EXOC4: variants seen among roughly 807,000 people sequenced by gnomAD.
EXOC4 encodes SEC8-like 1.
Under a neutral mutation model 107.2 loss-of-function variants are expected in EXOC4, and 71 were observed. The observed-to-expected ratio is 0.66, with a 90% CI of 0.55 to 0.81. The LOEUF (loss-of-function observed/expected upper bound fraction) is 0.81. Among genes scored for constraint, EXOC4 ranks in the 30% least tolerant of loss-of-function variants. The pLI, the probability that EXOC4 is intolerant of heterozygous loss-of-function variation, is 0.00. For missense variants in EXOC4, 1,108 were observed against 1,189.6 expected, an observed-to-expected ratio of 0.93 and a Z score of 1.01; for synonymous variants, 456 against 441.2, an observed-to-expected ratio of 1.03 and a Z score of -0.42.
At chr7:133,888,349 C>T (rs1799132306) in intron 11 of EXOC4, among the ~76,000 whole-genome samples, 1 of 152,112 alleles carries the variant, frequency 6.6e-6, no homozygotes, top group African/African-American at 2.4e-5. Flanking sequence ...TTTAAGCATA[C>T]TTTTATGGCT....
chr7:134,041,911 T>TA (rs987244894), intron 17 of EXOC4, among the ~76,000 whole-genome samples: 2 of 152,192 alleles, frequency 1.3e-5, no homozygotes, highest in African/African-American at 4.8e-5. Context: ...TTAAAGGCTT[T>TA]AAAAATCCTC....
chr7:133,903,093 G>A (rs897803966), intron 12 of EXOC4, among the ~76,000 whole-genome samples: 2 of 152,124 alleles, frequency 1.3e-5, no homozygotes, highest in African/African-American at 4.8e-5. Flanking sequence ...GAGGCAGGAC[G>A]CTCCGGGACA....
At chr7:134,051,714 A>G (rs949954330) in intron 17 of EXOC4, among the ~76,000 whole-genome samples, 4 of 137,830 alleles carry the variant, frequency 2.9e-5, no homozygotes, top group Admixed American at 2.3e-4. Context: ...GGGCCGATGC[A>G]GAGGCTCACG....
At chr7:133,403,576 C>G (rs1439128991) in intron 7 of EXOC4, among the ~76,000 whole-genome samples, 1 of 152,172 alleles carries the variant, frequency 6.6e-6, no homozygotes, top group Non-Finnish European at 1.5e-5. Flanking sequence ...GGTGCTAAGG[C>G]AGCTGTATTC....
In EXOC4 at chr7:133,374,937, C is replaced by G; in HGVS notation, c.1117C>G (p.Gln373Glu). The G allele has an allele frequency of 6.2e-7, 1 of 1,614,074 alleles. No individual in the cohort carries two copies. The highest frequency in any genetic ancestry group is 8.5e-7 in the Non-Finnish European group (1 of 1,179,976). ...LQDTVVTPLT[Q>E]QEDIKLYDMA... is the part of the protein sequence containing the mutation. Reference sequence around the variant, plus strand: ...GGACACTGTAGTGACTCCACTGACTCAGCAGGAAGATATCAAACTGTATGA... The same window carrying G: ...GGACACTGTAGTGACTCCACTGACTGAGCAGGAAGATATCAAACTGTATGA... The change falls in exon 7 of 18, where the codon CAG becomes GAG. Residue 373 changes from glutamine to glutamate, a missense_variant. By Grantham distance (29) the Gln-to-Glu change is conservative. Coordinates refer to ENST00000253861, the MANE Select transcript of EXOC4 (RefSeq NM_021807.4).
intron 9 of EXOC4, among the ~76,000 whole-genome samples, chr7:133,503,774 A>G (rs1430595489): frequency 6.6e-6 from 1 of 152,156 alleles, no homozygotes; most frequent in East Asian, 1.9e-4. Flanking sequence ...AAGGGAGCCT[A>G]AGCGTATGAA....
At chr7:133,877,084 T>A (rs1261029354) in intron 11 of EXOC4, among the ~76,000 whole-genome samples, 1 of 152,000 alleles carries the variant, frequency 6.6e-6, no homozygotes, top group African/African-American at 2.4e-5. Flanking sequence ...CTGACTCTCC[T>A]ATTTTTTTTT....
At chr7:133,855,569 C>A (rs1043582783) in intron 11 of EXOC4, among the ~76,000 whole-genome samples, 2 of 152,066 alleles carry the variant, frequency 1.3e-5, no homozygotes, top group Admixed American at 6.6e-5. Context: ...TTTCTCCACC[C>A]TAAGTGCCTG....
chr7:134,039,605 G>A (rs1456044148), intron 17 of EXOC4, among the ~76,000 whole-genome samples: 1 of 152,064 alleles, frequency 6.6e-6, no homozygotes, highest in Non-Finnish European at 1.5e-5. Context: ...CCTCCATTCA[G>A]AGCTGACCTC....
At chr7:133,706,451 T>C (rs1794770929) in intron 10 of EXOC4, among the ~76,000 whole-genome samples, 1 of 152,244 alleles carries the variant, frequency 6.6e-6, no homozygotes, top group Admixed American at 6.5e-5. Context: ...TAGACATGGC[T>C]TTTGGTTGAC....
chr7:133,525,481 A>C (rs1800061845), intron 9 of EXOC4, among the ~76,000 whole-genome samples: 1 of 152,158 alleles, frequency 6.6e-6, no homozygotes, highest in Non-Finnish European at 1.5e-5. Flanking sequence ...GGAGTTGGTG[A>C]GACTGCTTCA....
Position 133,895,604 on chromosome 7 carries a change from A to G in EXOC4, c.1740A>G (p.Thr580=), listed in dbSNP as rs1219343599. The change falls in exon 12 of 18, where the codon ACA becomes ACG. Residue 580 remains threonine, a synonymous_variant. Coordinates refer to ENST00000253861, the MANE Select transcript of EXOC4 (RefSeq NM_021807.4). Reference sequence around the variant, plus strand: ...TCTTTGTTGTTCATTTCCAGAGCACAATCATTGTGGAGAAGACAGTTCAAG... The same window carrying G: ...TCTTTGTTGTTCATTTCCAGAGCACGATCATTGTGGAGAAGACAGTTCAAG... ...LGVQRPLLQS[T]IIVEKTVQDL... 6.2e-7 allele frequency: 1 copy of G among 1,613,844 alleles called. No individual in the cohort carries two copies. Among genetic ancestry groups the G allele is most frequent in the African/African-American group, 1.3e-5 (1 of 74,930 alleles).
At chr7:133,740,017 G>A (rs1156245770) in intron 10 of EXOC4, among the ~76,000 whole-genome samples, 1 of 152,008 alleles carries the variant, frequency 6.6e-6, no homozygotes, top group East Asian at 1.9e-4. Context: ...AAGAAATGAA[G>A]ATATTAGAGG....
intron 17 of EXOC4, among the ~76,000 whole-genome samples, chr7:134,022,662 C>T (rs770449777): frequency 6.6e-6 from 1 of 152,202 alleles, no homozygotes. Flanking sequence ...ATAATACCAA[C>T]CTCTATGTTG....
rs1373795018 is a variant in EXOC4, at chr7:133,961,252, T to TAA, written c.2206+23184_2206+23185insAA. On this transcript the variant is annotated intron_variant, in intron 14 of 17. Transcript: ENST00000253861. ...ATTCACCCCTAGAGCCTCTGACACT[T>TAA]ATTTAAACCAATGAGACTCATGTCA... is the stretch of plus-strand genomic sequence containing the variant. Among the ~76,000 whole-genome samples the TAA allele has an allele frequency of 2.6e-5, 4 of 151,172 alleles. No individual in the cohort carries two copies. In the East Asian group the frequency reaches 5.9e-4, roughly 22 times the overall value.
At chr7:133,861,030 A>G (rs1798523107) in intron 11 of EXOC4, among the ~76,000 whole-genome samples, 1 of 152,164 alleles carries the variant, frequency 6.6e-6, no homozygotes, top group Admixed American at 6.6e-5. Flanking sequence ...TCCAAATACT[A>G]CTGACTCAGC....
At chr7:133,272,149 C>T (rs952082052) in intron 1 of EXOC4, among the ~76,000 whole-genome samples, 3 of 151,778 alleles carry the variant, frequency 2.0e-5, no homozygotes, top group Non-Finnish European at 4.4e-5. Context: ...ACTAACAACC[C>T]TATGTGGAAG....
chr7:133,834,676 A>C (rs1308265299), intron 11 of EXOC4, among the ~76,000 whole-genome samples: 1 of 152,266 alleles, frequency 6.6e-6, no homozygotes, highest in African/African-American at 2.4e-5. Flanking sequence ...TAAGTGCAGA[A>C]AGAACTTTCT....
chr7:133,420,077 G>A (rs1316950117), intron 7 of EXOC4, among the ~76,000 whole-genome samples: 2 of 143,404 alleles, frequency 1.4e-5, no homozygotes, highest in Non-Finnish European at 3.0e-5. Flanking sequence ...CCACTAACTC[G>A]TCATCTAGCA....
Sources: gnomAD v4.1 joint callset for allele counts (sites outside exome capture counted in the v4.1 genomes callset) on GRCh38, gnomAD v4.1.1 for gene constraint, MANE v1.5 for transcripts, NCBI Gene and HGNC (gene_info 2026-07-23, HGNC 2026-07-21) for gene names.